Variants in HSD17B12 observed in about 807,000 individuals in gnomAD.
The protein encoded by HSD17B12 is very-long-chain 3-oxoacyl-CoA reductase.
Under a neutral mutation model 39.3 loss-of-function variants are expected in HSD17B12, and 32 were observed. That is an observed-to-expected ratio of 0.81 (90% CI 0.61 to 1.09). HSD17B12 has a LOEUF of 1.09. Among genes scored for constraint, HSD17B12 ranks in the 50% least tolerant of loss-of-function variants. The pLI is 0.00. For missense variants in HSD17B12, 342 were observed against 382.9 expected (o/e 0.89, Z 0.89); for synonymous variants, 150 against 146.7 (o/e 1.02, Z -0.16).
the HSD17B12 span, among the ~76,000 whole-genome samples, chr11:43,586,777 A>G: frequency 1.3e-5 from 2 of 152,244 alleles, no homozygotes; most frequent in Non-Finnish European, 2.9e-5. Context: ...CTTCGAGGCC[A>G]TATTAATCAT....
the HSD17B12 span, among the ~76,000 whole-genome samples, chr11:43,580,071 G>C: frequency 6.6e-6 from 1 of 151,846 alleles, no homozygotes; most frequent in African/African-American, 2.4e-5. Flanking sequence ...ACTAATGGGG[G>C]GGGGGAGGGG....
At chr11:43,679,109 G>A (rs554085980), upstream of HSD17B12, among the ~76,000 whole-genome samples, 4 of 152,034 alleles carry the variant, frequency 2.6e-5, no homozygotes, top group Non-Finnish European at 4.4e-5. Context: ...CTTTTATTTC[G>A]TTGAGCAGTG....
intron 1 of HSD17B12, among the ~76,000 whole-genome samples, chr11:43,728,582 A>T (rs1455785234): frequency 6.6e-6 from 1 of 152,010 alleles, no homozygotes; most frequent in Non-Finnish European, 1.5e-5. Context: ...TTTTTCCCAA[A>T]ACAAAAAATG....
At chr11:43,663,606 A>T in the HSD17B12 span, among the ~76,000 whole-genome samples, 1 of 152,178 alleles carries the variant, frequency 6.6e-6, no homozygotes. Context: ...TAGCCTTCAA[A>T]CATTTTAAAC....
At chr11:43,684,428 G>A (rs969167018) in intron 1 of HSD17B12, among the ~76,000 whole-genome samples, 2 of 152,224 alleles carry the variant, frequency 1.3e-5, no homozygotes, top group African/African-American at 2.4e-5. Context: ...GTAGAATGTG[G>A]TTTGACCATA....
chr11:43,564,342 A>G, the HSD17B12 span, among the ~76,000 whole-genome samples: 2 of 152,302 alleles, frequency 1.3e-5, no homozygotes, highest in South Asian at 4.1e-4. Context: ...TACAAAGGTT[A>G]TTTGCTTCTA....
rs530712484 is a variant in HSD17B12, at chr11:43,759,338, A to G, written c.283+5217A>G. On this transcript the variant is annotated intron_variant, in intron 3 of 10. Coordinates refer to ENST00000278353, the MANE Select transcript of HSD17B12 (RefSeq NM_016142.3). ...GAAAAATTTTGAATGGATTATATGT[A>G]GTTAGTAGGACACTAAATGTTTCAC... Among the ~76,000 whole-genome samples, 11 of 152,306 alleles carry G rather than the reference A, an allele frequency of 7.2e-5. No homozygotes were observed. In the East Asian group the frequency reaches 2.1e-3, roughly 29 times the overall value.
intron 4 of HSD17B12, chr11:43,806,114 A>G (rs1478543825): frequency 2.0e-5 from 3 of 152,182 alleles, no homozygotes; most frequent in Non-Finnish European, 1.5e-5. Context: ...GTGTTCATCC[A>G]CAAGGAAGCT....
chr11:43,797,577 G>T (rs1469997522), intron 3 of HSD17B12, among the ~76,000 whole-genome samples: 1 of 152,190 alleles, frequency 6.6e-6, no homozygotes, highest in East Asian at 1.9e-4. Context: ...TGACCTCAGA[G>T]CCTGTGCTAT....
intron 4 of HSD17B12, among the ~76,000 whole-genome samples, chr11:43,803,633 C>T (rs1950991476): frequency 6.6e-6 from 1 of 151,978 alleles, no homozygotes; most frequent in African/African-American, 2.4e-5. Context: ...TGCTAAAGCC[C>T]TTAGTCATGA....
At chr11:43,662,794 T>C in the HSD17B12 span, among the ~76,000 whole-genome samples, 1 of 152,158 alleles carries the variant, frequency 6.6e-6, no homozygotes, top group African/African-American at 2.4e-5. Flanking sequence ...CTATTGACTA[T>C]TCCTACCTTG....
intron 4 of HSD17B12, among the ~76,000 whole-genome samples, chr11:43,814,910 A>G (rs1235906078): frequency 6.6e-6 from 1 of 152,208 alleles, no homozygotes; most frequent in Admixed American, 6.5e-5. Flanking sequence ...GTCTTACTCA[A>G]AAGTGTATGG....
At chr11:43,658,887 G>T in the HSD17B12 span, among the ~76,000 whole-genome samples, 1 of 152,212 alleles carries the variant, frequency 6.6e-6, no homozygotes, top group Non-Finnish European at 1.5e-5. Flanking sequence ...ATCTCAAGCT[G>T]CGTGCTGGGA....
the HSD17B12 span, among the ~76,000 whole-genome samples, chr11:43,607,994 T>C: frequency 2.0e-5 from 3 of 152,224 alleles, no homozygotes; most frequent in Non-Finnish European, 4.4e-5. Flanking sequence ...GTCTGGACTT[T>C]AACTGAAGTT....
chr11:43,828,830 A>G (rs1237201181), intron 6 of HSD17B12, among the ~76,000 whole-genome samples: 1 of 152,230 alleles, frequency 6.6e-6, no homozygotes, highest in African/African-American at 2.4e-5. Flanking sequence ...AAAATCCTAT[A>G]AAAATTTGGT....
the HSD17B12 span, among the ~76,000 whole-genome samples, chr11:43,567,989 G>A: frequency 2.6e-5 from 4 of 152,274 alleles, no homozygotes; most frequent in African/African-American, 9.6e-5. Context: ...GGTTGGAAGT[G>A]GCACTTGATC....
the HSD17B12 span, among the ~76,000 whole-genome samples, chr11:43,658,539 C>T: frequency 1.3e-5 from 2 of 152,142 alleles, no homozygotes; most frequent in Non-Finnish European, 2.9e-5. Flanking sequence ...TACCTGTGGT[C>T]TTTGATGATG....
At chr11:43,709,274 C>T (rs904751475) in intron 1 of HSD17B12, among the ~76,000 whole-genome samples, 1 of 152,190 alleles carries the variant, frequency 6.6e-6, no homozygotes, top group East Asian at 1.9e-4. Flanking sequence ...TACAGGCGCG[C>T]ACCACCACAC....
intron 3 of HSD17B12, among the ~76,000 whole-genome samples, chr11:43,786,640 CTT>C (rs1950817972): frequency 6.6e-6 from 1 of 152,166 alleles, no homozygotes; most frequent in Non-Finnish European, 1.5e-5. Flanking sequence ...AAAAAAGTTA[CTT>C]GTAGAATATT....
Sources: gnomAD v4.1 joint callset for allele counts (sites outside exome capture counted in the v4.1 genomes callset) on GRCh38, gnomAD v4.1.1 for gene constraint, MANE v1.5 for transcripts, NCBI Gene and HGNC (gene_info 2026-07-23, HGNC 2026-07-21) for gene names.